GPAT3: variants seen among roughly 807,000 people sequenced by gnomAD.
The protein encoded by GPAT3 is 1-AGP acyltransferase 9.
A neutral mutation model predicts 58.8 loss-of-function variants in GPAT3; 53 were observed. The observed-to-expected ratio is 0.90, with a 90% CI of 0.72 to 1.13. GPAT3 has a LOEUF of 1.13. Ranked by LOEUF, GPAT3 falls within the 50% of genes most tolerant of loss-of-function variation. GPAT3 has a pLI of 0.00. For missense variants in GPAT3, 511 were observed against 527.6 expected (o/e 0.97, Z 0.31); for synonymous variants, 197 against 187.4 (o/e 1.05, Z -0.42).
chr4:83,555,084 G>A (rs1724900573), intron 2 of GPAT3, among the ~76,000 whole-genome samples: 1 of 152,152 alleles, frequency 6.6e-6, no homozygotes, highest in Non-Finnish European at 1.5e-5. Flanking sequence ...GATTACAGGT[G>A]TGAGCCACTG....
intron 2 of GPAT3, among the ~76,000 whole-genome samples, chr4:83,565,392 C>T (rs572559206): frequency 6.6e-5 from 10 of 152,216 alleles, no homozygotes; most frequent in Admixed American, 2.0e-4. Context: ...TGAGCCACCA[C>T]GCCCAGCCTC....
At chr4:83,570,724 T>C (rs1335469655) in intron 2 of GPAT3, among the ~76,000 whole-genome samples, 1 of 152,160 alleles carries the variant, frequency 6.6e-6, no homozygotes, top group Non-Finnish European at 1.5e-5. Context: ...CCACCCGCCT[T>C]GGCCTCCCAA....
At chr4:83,562,607 G>A (rs547109457) in intron 2 of GPAT3, among the ~76,000 whole-genome samples, 7 of 152,072 alleles carry the variant, frequency 4.6e-5, no homozygotes, top group Admixed American at 2.0e-4. Flanking sequence ...GCATAGTTGG[G>A]AATTATTTGC....
At chr4:83,560,684 T>G (rs186867378) in intron 2 of GPAT3, among the ~76,000 whole-genome samples, 1 of 152,278 alleles carries the variant, frequency 6.6e-6, no homozygotes, top group African/African-American at 2.4e-5. Context: ...TAATCCCCAG[T>G]GTTGGAGGTG....
intron 3 of GPAT3, among the ~76,000 whole-genome samples, chr4:83,585,161 C>G (rs1274070727): frequency 6.6e-6 from 1 of 151,990 alleles, no homozygotes; most frequent in Non-Finnish European, 1.5e-5. Context: ...GAAAAAAGAA[C>G]CTGACCTTCA....
intron 2 of GPAT3, among the ~76,000 whole-genome samples, chr4:83,550,474 C>A (rs1400873489): frequency 6.6e-6 from 1 of 152,106 alleles, no homozygotes; most frequent in African/African-American, 2.4e-5. Flanking sequence ...AGTAAATGAG[C>A]CCCATATCAC....
chr4:83,541,858 G>A (rs1159291836), intron 1 of GPAT3, among the ~76,000 whole-genome samples: 1 of 152,198 alleles, frequency 6.6e-6, no homozygotes, highest in East Asian at 1.9e-4. Flanking sequence ...GCAAGAAGGT[G>A]TAGTAGTATC....
chr4:83,566,341 T>C (rs1471250224), intron 2 of GPAT3, among the ~76,000 whole-genome samples: 2 of 152,062 alleles, frequency 1.3e-5, no homozygotes, highest in South Asian at 4.2e-4. Flanking sequence ...ACCTGGCCAA[T>C]AGTTGTTTTA....
chr4:83,572,260 A>C (rs913108001), intron 2 of GPAT3, among the ~76,000 whole-genome samples: 2 of 151,960 alleles, frequency 1.3e-5, no homozygotes, highest in African/African-American at 4.8e-5. Flanking sequence ...GGTGCCTGTC[A>C]CTCTTTATAT....
At chr4:83,597,046 C>CT (rs1726870799) in intron 8 of GPAT3, 133 bp downstream of exon 8, 2 of 731,552 alleles carry the variant, frequency 2.7e-6, no homozygotes, top group Non-Finnish European at 2.3e-6. Flanking sequence ...ATGGCACTCT[C>CT]TGAGTTATTA....
chr4:83,568,965 A>G (rs1468057713), intron 2 of GPAT3, among the ~76,000 whole-genome samples: 1 of 152,200 alleles, frequency 6.6e-6, no homozygotes, highest in Non-Finnish European at 1.5e-5. Context: ...TACTATTCAT[A>G]ATATGTGAAA....
At chr4:83,577,788 CTTTTTTTTTT>C (rs1185047521) in intron 2 of GPAT3, among the ~76,000 whole-genome samples, 5 of 66,690 alleles carry the variant, frequency 7.5e-5, no homozygotes, top group Admixed American at 1.7e-4. Context: ...GTCATTGTGG[CTTTTTTTTTT>C]TTTTTTTTTT....
At chr4:83,584,002 A>G (rs1040845727) in intron 3 of GPAT3, among the ~76,000 whole-genome samples, 2 of 152,022 alleles carry the variant, frequency 1.3e-5, no homozygotes, top group South Asian at 2.1e-4. Flanking sequence ...AACAACAAAA[A>G]CACATGAAGC....
chr4:83,544,996 A>G (rs1724454059), intron 2 of GPAT3, among the ~76,000 whole-genome samples: 1 of 152,228 alleles, frequency 6.6e-6, no homozygotes, highest in African/African-American at 2.4e-5. Context: ...TATGTTCCTC[A>G]AAGTACTCTT....
chr4:83,581,509 G>A, intron 2 of GPAT3, 53 bp from the exon 3 acceptor site: 1 of 1,560,742 alleles, frequency 6.4e-7, no homozygotes, highest in Non-Finnish European at 8.7e-7. Flanking sequence ...TGCCCTTTTG[G>A]TCAATTCTTC....
intron 2 of GPAT3, among the ~76,000 whole-genome samples, chr4:83,549,874 C>A (rs1306105617): frequency 2.0e-5 from 3 of 151,910 alleles, no homozygotes; most frequent in Admixed American, 6.6e-5. Flanking sequence ...AGGCATGCAC[C>A]ACCAAACCTG....
intron 2 of GPAT3, among the ~76,000 whole-genome samples, chr4:83,560,076 T>C (rs1236238291): frequency 6.6e-6 from 1 of 152,164 alleles, no homozygotes; most frequent in Non-Finnish European, 1.5e-5. Context: ...TGGACCCCCT[T>C]CACTGACTTT....
chr4:83,554,577 G>T (rs542396282), intron 2 of GPAT3, among the ~76,000 whole-genome samples: 42 of 152,200 alleles, frequency 2.8e-4, no homozygotes, highest in African/African-American at 9.6e-4. Flanking sequence ...ATATGAGGGG[G>T]TCTTGTTAAT....
chr4:83,593,381 G>A (rs376082340), intron 6 of GPAT3, among the ~76,000 whole-genome samples: 37 of 151,792 alleles, frequency 2.4e-4, no homozygotes, highest in African/African-American at 8.0e-4. Context: ...GGCCAGGCTG[G>A]GCTTGAACTC....
Sources: allele counts gnomAD v4.1 joint callset (sites outside exome capture counted in the v4.1 genomes callset), GRCh38; gene constraint gnomAD v4.1.1; transcripts MANE v1.5; gene names NCBI Gene and HGNC (gene_info 2026-07-23, HGNC 2026-07-21).